The following LRP1B variants were observed in gnomAD, a reference collection of about 807,000 sequenced individuals.
LRP1B encodes the protein LDL receptor related protein 1B, also known as low-density lipoprotein receptor-related protein 1B.
Under a neutral mutation model 556.6 loss-of-function variants are expected in LRP1B, and 217 were observed. The observed-to-expected ratio is 0.39, with a 90% confidence interval of 0.35 to 0.44. LRP1B has a LOEUF of 0.44. Among genes scored for constraint, LRP1B ranks in the 20% least tolerant of loss-of-function variants. The pLI is 1.00. For synonymous variants in LRP1B, 2,047 were observed against 1,865.8 expected (o/e 1.10, Z -2.50); for missense variants, 5,053 against 5,620.8 (o/e 0.90, Z 3.23).
chr2:141,725,217 C>T (rs1692982988), intron 2 of LRP1B, among the ~76,000 whole-genome samples: 1 of 151,840 alleles, frequency 6.6e-6, no homozygotes, highest in African/African-American at 2.4e-5. Flanking sequence ...GCTCAAATTC[C>T]ATGATATTCT....
chr2:141,682,833 T>C (rs1558801757), intron 2 of LRP1B, among the ~76,000 whole-genome samples: 1 of 152,160 alleles, frequency 6.6e-6, no homozygotes, highest in East Asian at 1.9e-4. Context: ...TATCTAGAAA[T>C]CTCTTCCTTG....
intron 1 of LRP1B, among the ~76,000 whole-genome samples, chr2:141,909,525 CATTTTTTTTTTTTTTTT>C (rs1407579312): frequency 8.5e-6 from 1 of 118,130 alleles, no homozygotes; most frequent in Non-Finnish European, 1.7e-5. Flanking sequence ...AGGTCTCAGA[CATTTTTTTTTTTTTTTT>C]TTTTTTTTTT....
chr2:141,304,172 T>C (rs1686497595), intron 3 of LRP1B, among the ~76,000 whole-genome samples: 1 of 152,184 alleles, frequency 6.6e-6, no homozygotes, highest in South Asian at 2.1e-4. Flanking sequence ...TAGTCCCTTG[T>C]TGGATGAATA....
At chr2:141,911,250 T>A (rs148682401) in intron 1 of LRP1B, among the ~76,000 whole-genome samples, 1 of 152,258 alleles carries the variant, frequency 6.6e-6, no homozygotes, top group South Asian at 2.1e-4. Flanking sequence ...GTATTACATT[T>A]AATGCAATCT....
chr2:140,402,662 C>A (rs1684558132), intron 66 of LRP1B, among the ~76,000 whole-genome samples: 1 of 152,122 alleles, frequency 6.6e-6, no homozygotes, highest in Admixed American at 6.5e-5. Context: ...TAGGTGGTCC[C>A]CACCCTTCCA....
chr2:141,541,106 C>A (rs1342854906), intron 2 of LRP1B, among the ~76,000 whole-genome samples: 5 of 151,980 alleles, frequency 3.3e-5, no homozygotes, highest in African/African-American at 4.8e-5. Flanking sequence ...AATAACAAGT[C>A]TACTTACTCC....
At chr2:140,749,183 G>C (rs1688483689) in intron 35 of LRP1B, among the ~76,000 whole-genome samples, 1 of 152,010 alleles carries the variant, frequency 6.6e-6, no homozygotes, top group Non-Finnish European at 1.5e-5. Context: ...TATCACAAAA[G>C]AAGCTAGTTG....
At chr2:141,961,780 T>G (rs908454095) in intron 1 of LRP1B, among the ~76,000 whole-genome samples, 3 of 151,670 alleles carry the variant, frequency 2.0e-5, no homozygotes, top group Non-Finnish European at 4.4e-5. Flanking sequence ...TTTAAAAAAT[T>G]TAGATCTCTG....
At chr2:140,803,883 C>CCCCCAAAAAAAAAAAAAAAAAA (rs1553536909) in intron 32 of LRP1B, among the ~76,000 whole-genome samples, 8 of 136,622 alleles carry the variant, frequency 5.9e-5, no homozygotes, top group Admixed American at 2.3e-4. Context: ...CCAACCCCCC[C>CCCCCAAAAAAAAAAAAAAAAAA]AAAAAAAAGA....
chr2:140,887,687 A>G (rs1693679534), intron 23 of LRP1B, among the ~76,000 whole-genome samples: 1 of 152,200 alleles, frequency 6.6e-6, no homozygotes, highest in Non-Finnish European at 1.5e-5. Flanking sequence ...GAATAAAAAA[A>G]TGCTGTCTAT....
At chr2:141,205,000 A>G (rs1465491174) in intron 6 of LRP1B, among the ~76,000 whole-genome samples, 1 of 152,198 alleles carries the variant, frequency 6.6e-6, no homozygotes, top group East Asian at 1.9e-4. Context: ...TATACATTAC[A>G]TAATAGCTCA....
chr2:140,988,529 A>G (rs915226669), intron 17 of LRP1B, among the ~76,000 whole-genome samples: 1 of 152,042 alleles, frequency 6.6e-6, no homozygotes, highest in Non-Finnish European at 1.5e-5. Flanking sequence ...ATCTGGAAAC[A>G]ATTTATAGTT....
chr2:140,766,859 T>TATATA lies in LRP1B; in HGVS notation c.5758+2349_5758+2353dup, dbSNP rs1689136998. On this transcript the variant is annotated intron_variant, in intron 35 of 90. Coordinates refer to ENST00000389484, the MANE Select transcript of LRP1B (RefSeq NM_018557.3). ...TATATATATATTATATATATATATA[T>TATATA]ATATATAATATATATAACATATGAT... Among the ~76,000 whole-genome samples, 201 of 50,210 alleles carry TATATA rather than the reference T, an allele frequency of 4.0e-3. 3 individuals are homozygous for TATATA. Among genetic ancestry groups the TATATA allele is most frequent in the African/African-American group, 8.5e-3 (188 of 22,176 alleles). 32.9% of individuals were successfully genotyped at this position (50,210 alleles called of 152,430 possible). A position where few individuals can be genotyped will look rare whatever the true frequency, so the allele number is the denominator to read the frequency against.
intron 7 of LRP1B, among the ~76,000 whole-genome samples, chr2:141,113,032 A>G (rs1261754118): frequency 1.3e-5 from 2 of 152,226 alleles, no homozygotes; most frequent in Non-Finnish European, 2.9e-5. Context: ...ACAAATTTGT[A>G]CTAATACTAT....
intron 1 of LRP1B, among the ~76,000 whole-genome samples, chr2:141,961,081 CA>C (rs1701391064): frequency 6.6e-6 from 1 of 151,582 alleles, no homozygotes; most frequent in African/African-American, 2.4e-5. Flanking sequence ...TGATGTATAG[CA>C]AAATGCAGCA....
At chr2:141,137,847 T>C (rs1363598825) in intron 7 of LRP1B, among the ~76,000 whole-genome samples, 2 of 151,848 alleles carry the variant, frequency 1.3e-5, no homozygotes, top group Non-Finnish European at 2.9e-5. Flanking sequence ...TACAACACTG[T>C]TTCACTTGTA....
At chr2:140,493,076 AT>A (rs1688771128) in intron 56 of LRP1B, among the ~76,000 whole-genome samples, 1 of 152,094 alleles carries the variant, frequency 6.6e-6, no homozygotes, top group South Asian at 2.1e-4. Flanking sequence ...ATGATCAGAA[AT>A]TTTTTTCTGG....
At chr2:141,063,375 CAT>C (rs1380525966) in intron 7 of LRP1B, among the ~76,000 whole-genome samples, 5 of 151,776 alleles carry the variant, frequency 3.3e-5, no homozygotes, top group Non-Finnish European at 7.4e-5. Context: ...CTGTAGGAGA[CAT>C]TGACTAATTT....
At chr2:140,239,584 A>G (rs1435905971) in intron 87 of LRP1B, 52 bp from the exon 88 acceptor site, 1 of 1,241,570 alleles carries the variant, frequency 8.1e-7, no homozygotes, top group Non-Finnish European at 1.2e-6. Flanking sequence ...TGAAGTAAAA[A>G]TTGATAAAAC....
Sources: allele counts gnomAD v4.1 joint callset (sites outside exome capture counted in the v4.1 genomes callset), GRCh38; gene constraint gnomAD v4.1.1; transcripts MANE v1.5; gene names NCBI Gene and HGNC (gene_info 2026-07-23, HGNC 2026-07-21).